The following MCC variants were observed in gnomAD, a reference collection of about 807,000 sequenced individuals.
MCC encodes MCC regulator of Wnt signaling pathway.
MCC carries 90 observed loss-of-function variants against 116.2 expected under a neutral mutation model. That is an observed-to-expected ratio of 0.77 (90% CI 0.65 to 0.92). MCC has a LOEUF of 0.92. Among genes scored for constraint, MCC ranks in the 40% least tolerant of loss-of-function variants. The pLI is 0.00. For missense variants in MCC, 1,516 were observed against 1,312.2 expected (o/e 1.16, Z -2.40); for synonymous variants, 578 against 510.5 (o/e 1.13, Z -1.78).
intron 11 of MCC, among the ~76,000 whole-genome samples, chr5:113,082,395 G>A (rs577432393): frequency 6.6e-6 from 1 of 152,342 alleles, no homozygotes; most frequent in East Asian, 1.9e-4. Flanking sequence ...GTAGCTCCAA[G>A]TGCCTCTAGG....
In MCC at chr5:113,027,364, G is replaced by C. The variant is rs1212497756; in HGVS notation, c.2998C>G (p.Gln1000Glu). 3 of 1,614,152 alleles carry C rather than the reference G, an allele frequency of 1.9e-6. No homozygotes were observed. In the African/African-American group the frequency reaches 4.0e-5, roughly 22 times the overall value. Residue 1000 changes from glutamine to glutamate, a missense_variant, in exon 19 of 19, where the codon CAA (glutamine) becomes GAA (glutamate). Transcript: ENST00000408903. ...TCCTCCTCTAGCAGAGCTATTCTTT[G>C]CTTGAGCATCCTCACTTGGGTCTCA... Reference protein sequence around the residue: ...RHETQVRMLKQRIALLEEENS... With the variant: ...RHETQVRMLKERIALLEEENS...
intron 1 of MCC, among the ~76,000 whole-genome samples, chr5:113,474,196 A>C (rs536623919): frequency 3.9e-5 from 6 of 152,342 alleles, no homozygotes; most frequent in African/African-American, 1.4e-4. Context: ...AAAAGAAAAG[A>C]AAGCATGGTC....
intron 3 of MCC, among the ~76,000 whole-genome samples, chr5:113,263,845 A>G (rs1001865263): frequency 6.6e-6 from 1 of 152,128 alleles, no homozygotes; most frequent in Non-Finnish European, 1.5e-5. Context: ...CTCACACTTC[A>G]TCATGGCAAT....
At chr5:113,218,198 A>G (rs1401635227) in intron 3 of MCC, among the ~76,000 whole-genome samples, 5 of 152,034 alleles carry the variant, frequency 3.3e-5, no homozygotes, top group Non-Finnish European at 7.4e-5. Flanking sequence ...GACAAGCGAC[A>G]TTGGCTTATC....
chr5:113,074,937 CTCGGTGT>C lies in MCC; in HGVS notation c.1785-3710_1785-3704del, dbSNP rs1561783143. The stretch of plus-strand genomic sequence containing the variant: ...TGCTTGCTCTTGGCACCTCGTCGGC[CTCGGTGT>C]CTGCTCTGGCCATGCTCAAGGAGCG... On this transcript the variant is annotated intron_variant, in intron 11 of 18. Transcript: ENST00000408903. Among the ~76,000 whole-genome samples the C allele has an allele frequency of 5.6e-3, 858 of 152,346 alleles. 16 individuals carry two copies. Among genetic ancestry groups the C allele is most frequent in the African/African-American group, 0.02 (823 of 41,578 alleles).
At chr5:113,155,801 C>T (rs967616314) in intron 3 of MCC, among the ~76,000 whole-genome samples, 1 of 152,196 alleles carries the variant, frequency 6.6e-6, no homozygotes, top group African/African-American at 2.4e-5. Flanking sequence ...ACACATATTT[C>T]TCTTCATACT....
At chr5:113,235,444 C>T (rs1419826675) in intron 3 of MCC, among the ~76,000 whole-genome samples, 1 of 152,110 alleles carries the variant, frequency 6.6e-6, no homozygotes, top group Non-Finnish European at 1.5e-5. Context: ...TTCCACTAAA[C>T]AAGAGAGAGG....
At chr5:113,414,720 A>G (rs1382608011) in intron 1 of MCC, among the ~76,000 whole-genome samples, 1 of 152,002 alleles carries the variant, frequency 6.6e-6, no homozygotes, top group African/African-American at 2.4e-5. Flanking sequence ...TCTTTATCCA[A>G]TTTGCCAGTC....
At chr5:113,461,725 G>A (rs1164422560) in intron 1 of MCC, among the ~76,000 whole-genome samples, 6 of 136,740 alleles carry the variant, frequency 4.4e-5, no homozygotes, top group Non-Finnish European at 6.1e-5. Flanking sequence ...GGATTTTAAG[G>A]ATGAACAACT....
At chr5:113,265,402 T>C (rs1765383623) in intron 3 of MCC, among the ~76,000 whole-genome samples, 1 of 152,174 alleles carries the variant, frequency 6.6e-6, no homozygotes, top group African/African-American at 2.4e-5. Flanking sequence ...CCTCAATGTC[T>C]GCACTAAGGG....
chr5:113,280,486 T>C (rs1042077125), intron 3 of MCC, among the ~76,000 whole-genome samples: 1 of 152,196 alleles, frequency 6.6e-6, no homozygotes. Flanking sequence ...GACAGAGACA[T>C]AGGTGAACAC....
chr5:113,032,356 C>T lies in MCC; in HGVS notation c.2757-3300G>A, dbSNP rs183876994. ...CTGGGAGGTGGAGGTTGCAGTAAGC[C>T]GAGATCGCGCCACTGCGCTCCAACC... On this transcript the variant is annotated intron_variant, in intron 17 of 18. Transcript: ENST00000408903. Among the ~76,000 whole-genome samples, 268 of 145,522 alleles carry T rather than the reference C, an allele frequency of 1.8e-3. 2 individuals are homozygous for T. The highest frequency in any genetic ancestry group is 0.012 in the South Asian group (55 of 4,684).
intron 3 of MCC, among the ~76,000 whole-genome samples, chr5:113,268,240 A>G (rs1044630550): frequency 9.2e-5 from 14 of 152,218 alleles, no homozygotes; most frequent in African/African-American, 1.4e-4. Flanking sequence ...CTGCTAAAAC[A>G]TTAGTACCTA....
chr5:113,099,486 C>T (rs1756261175), intron 8 of MCC, among the ~76,000 whole-genome samples: 1 of 152,228 alleles, frequency 6.6e-6, no homozygotes, highest in Non-Finnish European at 1.5e-5. Flanking sequence ...CAAAGAACTA[C>T]TACTAATTTT....
chr5:113,275,351 G>T lies in MCC; in HGVS notation c.627+65168C>A, dbSNP rs947573130. 2.6e-5 allele frequency among the ~76,000 whole-genome samples: 4 copies of T among 152,306 alleles called. 1 individual carries two copies. The highest frequency in any genetic ancestry group is 2.6e-4 in the Admixed American group (4 of 15,304). On this transcript the variant is annotated intron_variant, in intron 3 of 18. Coordinates refer to ENST00000408903, the MANE Select transcript of MCC (RefSeq NM_001085377.2). ...TTAAACTTTTAACAGTACACTTGTA[G>T]TTAGCAACACAGTTCAATTTAGGAA...
chr5:113,077,147 A>C (rs1054711314), intron 11 of MCC, among the ~76,000 whole-genome samples: 3 of 152,176 alleles, frequency 2.0e-5, no homozygotes, highest in African/African-American at 7.2e-5. Flanking sequence ...GAGCACCCAG[A>C]TTCATAAAGC....
At chr5:113,136,718 G>C (rs957958445) in intron 5 of MCC, among the ~76,000 whole-genome samples, 1 of 152,148 alleles carries the variant, frequency 6.6e-6, no homozygotes, top group African/African-American at 2.4e-5. Flanking sequence ...TTTACTGAAT[G>C]TATCAGTTCT....
At chr5:113,338,682 A>T (rs1263197874) in intron 3 of MCC, among the ~76,000 whole-genome samples, 1 of 152,234 alleles carries the variant, frequency 6.6e-6, no homozygotes, top group Non-Finnish European at 1.5e-5. Flanking sequence ...TATAGTACAG[A>T]GGAGGGTTCA....
At chr5:113,252,651 T>C (rs550162813) in intron 3 of MCC, among the ~76,000 whole-genome samples, 29 of 152,258 alleles carry the variant, frequency 1.9e-4, no homozygotes, top group Admixed American at 1.4e-3. Context: ...ACTTGAATCA[T>C]CCTGAAACAA....
Sources: gnomAD v4.1 joint callset for allele counts (sites outside exome capture counted in the v4.1 genomes callset) on GRCh38, gnomAD v4.1.1 for gene constraint, MANE v1.5 for transcripts, NCBI Gene and HGNC (gene_info 2026-07-23, HGNC 2026-07-21) for gene names.